The following ASIC2 variants were observed in gnomAD, a reference collection of about 807,000 sequenced individuals.
ASIC2 encodes acid-sensing ion channel 2.
ASIC2 carries 25 observed loss-of-function variants against 57.3 expected under a neutral mutation model. That is an observed-to-expected ratio of 0.44 (90% CI 0.32 to 0.61). The LOEUF is 0.61. ASIC2 is among the 20% of genes least tolerant of loss of function. The pLI is 0.06. For synonymous variants in ASIC2, 319 were observed against 307.5 expected, an observed-to-expected ratio of 1.04 and a Z score of -0.39; for missense variants, 641 against 738.1, an observed-to-expected ratio of 0.87 and a Z score of 1.52.
At chr17:34,068,075 C>A (rs1400216326) in intron 1 of ASIC2, among the ~76,000 whole-genome samples, 2 of 152,160 alleles carry the variant, frequency 1.3e-5, no homozygotes, top group African/African-American at 4.8e-5. Flanking sequence ...AAAAGGCAGA[C>A]CAAGAAGTGG....
At chr17:33,642,256 A>G (rs1906596623) in intron 1 of ASIC2, among the ~76,000 whole-genome samples, 1 of 147,836 alleles carries the variant, frequency 6.8e-6, no homozygotes, top group African/African-American at 2.5e-5. Flanking sequence ...CCTGGTCTCA[A>G]TACAGTGAAA....
chr17:34,064,974 T>G, intron 1 of ASIC2, among the ~76,000 whole-genome samples: 1 of 152,316 alleles, frequency 6.6e-6, no homozygotes, highest in Non-Finnish European at 1.5e-5. Context: ...AATGTGGAGA[T>G]TCTTTAAAGA....
At chr17:33,219,288 AG>A (rs1450555360) in intron 1 of ASIC2, among the ~76,000 whole-genome samples, 2 of 152,220 alleles carry the variant, frequency 1.3e-5, no homozygotes, top group African/African-American at 2.4e-5. Context: ...TTCAGAAGGC[AG>A]CCCCCCTTGA....
chr17:33,800,869 G>C (rs1168111690), intron 1 of ASIC2, among the ~76,000 whole-genome samples: 1 of 152,058 alleles, frequency 6.6e-6, no homozygotes. Flanking sequence ...ATGGAGAAGG[G>C]ATGCACAGAG....
intron 1 of ASIC2, among the ~76,000 whole-genome samples, chr17:33,576,210 C>G (rs906957507): frequency 6.6e-6 from 1 of 152,154 alleles, no homozygotes; most frequent in Admixed American, 6.5e-5. Context: ...ATGACTAGAT[C>G]GTGCCCCTGA....
chr17:34,055,488 C>T (rs1043326300), intron 1 of ASIC2, among the ~76,000 whole-genome samples: 4 of 151,962 alleles, frequency 2.6e-5, no homozygotes, highest in South Asian at 2.1e-4. Context: ...AATGAAACTC[C>T]GATTGTTATC....
chr17:33,089,851 C>T (rs751213015), intron 2 of ASIC2, among the ~76,000 whole-genome samples: 2 of 152,140 alleles, frequency 1.3e-5, no homozygotes, highest in Non-Finnish European at 2.9e-5. Context: ...TGGCCCTTGG[C>T]AGTGGGAGGT....
At chr17:33,813,857 G>C (rs1912500260) in intron 1 of ASIC2, among the ~76,000 whole-genome samples, 1 of 152,192 alleles carries the variant, frequency 6.6e-6, no homozygotes, top group African/African-American at 2.4e-5. Flanking sequence ...CCTGGGAACA[G>C]GCACTTCATA....
rs150931324 is a variant in ASIC2, at chr17:33,768,176, T to C, written c.555+387802A>G. On this transcript the variant is annotated intron_variant, in intron 1 of 9. Transcript: ENST00000359872. ...GGCGCCTGCCACCGCGCCCTGCTAA[T>C]TTTTTTGTGTTTTTATTTTTTTTAT... is the stretch of plus-strand genomic sequence containing the variant. Among the ~76,000 whole-genome samples, 504 of 148,844 alleles carry C rather than the reference T, an allele frequency of 3.4e-3. 1 individual carries two copies. The highest frequency in any genetic ancestry group is 0.013 in the African/African-American group (482 of 38,296).
chr17:33,259,092 C>G (rs990144357), intron 1 of ASIC2, among the ~76,000 whole-genome samples: 1 of 152,104 alleles, frequency 6.6e-6, no homozygotes, highest in African/African-American at 2.4e-5. Flanking sequence ...GGCAGCCATT[C>G]CGGGTAATGG....
At chr17:33,884,380 G>A (rs1025720310) in intron 1 of ASIC2, among the ~76,000 whole-genome samples, 13 of 152,122 alleles carry the variant, frequency 8.5e-5, no homozygotes, top group Admixed American at 6.5e-5. Context: ...AGTTCCCACT[G>A]TTGCTTGTTC....
chr17:33,026,398 T>A (rs527533068), intron 4 of ASIC2, among the ~76,000 whole-genome samples: 2 of 152,322 alleles, frequency 1.3e-5, no homozygotes, highest in South Asian at 2.1e-4. Context: ...AGAAGTACTG[T>A]GTCTGTTTTA....
intron 5 of ASIC2, 76 bp from the exon 6 acceptor site, chr17:33,024,090 T>C: frequency 6.3e-7 from 1 of 1,580,344 alleles, no homozygotes; most frequent in Non-Finnish European, 8.7e-7. Context: ...AGCTGGATTG[T>C]AGCAGCTGAG....
intron 1 of ASIC2, among the ~76,000 whole-genome samples, chr17:33,694,018 CTACTTGCCCACAT>C (rs748782143): frequency 3.3e-5 from 5 of 152,194 alleles, no homozygotes; most frequent in Non-Finnish European, 5.9e-5. Flanking sequence ...TTTGACCATG[CTACTTGCCCACAT>C]TACTTGCTTG....
At chr17:34,097,647 A>T (rs74394777) in intron 1 of ASIC2, among the ~76,000 whole-genome samples, 1 of 152,100 alleles carries the variant, frequency 6.6e-6, no homozygotes, top group South Asian at 2.1e-4. Context: ...TCTAATTGTT[A>T]TATCACTAGT....
intron 1 of ASIC2, among the ~76,000 whole-genome samples, chr17:33,313,472 A>G (rs1439742066): frequency 1.3e-5 from 2 of 152,202 alleles, no homozygotes; most frequent in African/African-American, 4.8e-5. Flanking sequence ...TGGTTGTTCC[A>G]TCATCTGGTG....
chr17:33,173,477 A>G (rs1037617376), intron 1 of ASIC2, among the ~76,000 whole-genome samples: 4 of 152,206 alleles, frequency 2.6e-5, no homozygotes, highest in Middle Eastern at 3.4e-3. Context: ...AGGCAGGAGG[A>G]GCTGAGTGGG....
At chr17:33,221,327 T>C (rs539656039) in intron 1 of ASIC2, among the ~76,000 whole-genome samples, 3 of 152,250 alleles carry the variant, frequency 2.0e-5, no homozygotes, top group Non-Finnish European at 2.9e-5. Context: ...AATTAAAAAT[T>C]CAGCAAATGA....
intron 1 of ASIC2, among the ~76,000 whole-genome samples, chr17:33,497,349 C>T (rs947895472): frequency 1.3e-5 from 2 of 152,222 alleles, no homozygotes; most frequent in East Asian, 3.9e-4. Flanking sequence ...CAATCAGTTG[C>T]CTCCTTTATC....
Sources: allele counts gnomAD v4.1 joint callset (sites outside exome capture counted in the v4.1 genomes callset), GRCh38; gene constraint gnomAD v4.1.1; transcripts MANE v1.5; gene names NCBI Gene and HGNC (gene_info 2026-07-23, HGNC 2026-07-21).